Variants in SAMSN1 observed in about 807,000 individuals in gnomAD.
SAMSN1 encodes the protein SAM domain-containing protein SAMSN-1.
SAMSN1 carries 31 observed loss-of-function variants against 42.0 expected under a neutral mutation model. That is an observed-to-expected ratio of 0.74 (90% CI 0.55 to 1.00). The LOEUF is 1.00. Ranked by LOEUF, SAMSN1 falls within the 50% of genes least tolerant of loss-of-function variation. The pLI is 0.00. For missense variants in SAMSN1, 464 were observed against 439.4 expected (o/e 1.06, Z -0.50); for synonymous variants, 178 against 151.9 (o/e 1.17, Z -1.26).
chr21:14,608,886 A>C (rs1280415324), intron 5 of SAMSN1, among the ~76,000 whole-genome samples: 1 of 152,132 alleles, frequency 6.6e-6, no homozygotes, highest in Non-Finnish European at 1.5e-5. Context: ...TCAACTTTTG[A>C]TACGGTTTTT....
At chr21:14,567,871 A>G (rs945190945) in intron 2 of SAMSN1, among the ~76,000 whole-genome samples, 1 of 152,070 alleles carries the variant, frequency 6.6e-6, no homozygotes, top group South Asian at 2.1e-4. Flanking sequence ...GGATTGTTGT[A>G]CCTTCTGGAT....
At chr21:14,546,646 T>G (rs545319310), upstream of SAMSN1, among the ~76,000 whole-genome samples, 1 of 147,122 alleles carries the variant, frequency 6.8e-6, no homozygotes, top group African/African-American at 2.5e-5. Flanking sequence ...AAATAAAACT[T>G]GAGATGTTGG....
At chr21:14,646,986 C>G (rs980323269) in intron 1 of SAMSN1, among the ~76,000 whole-genome samples, 1 of 152,026 alleles carries the variant, frequency 6.6e-6, no homozygotes, top group Non-Finnish European at 1.5e-5. Flanking sequence ...TAGACAAAGA[C>G]AGGAAGGAGA....
At chr21:14,606,496 TCTC>T (rs1262049281) in intron 5 of SAMSN1, among the ~76,000 whole-genome samples, 1 of 152,144 alleles carries the variant, frequency 6.6e-6, no homozygotes, top group East Asian at 1.9e-4. Flanking sequence ...AGTTTGTTCT[TCTC>T]AATTCTTTTT....
chr21:14,592,473 G>C (rs536363552), intron 7 of SAMSN1: 18 of 168,548 alleles, frequency 1.1e-4, no homozygotes, highest in African/African-American at 3.6e-4. Flanking sequence ...AATCTGCTTT[G>C]TGACTGGCCA....
intron 5 of SAMSN1, among the ~76,000 whole-genome samples, chr21:14,502,870 A>C (rs1987231292): frequency 6.6e-6 from 1 of 152,200 alleles, no homozygotes; most frequent in Non-Finnish European, 1.5e-5. Flanking sequence ...TAAATGTTAA[A>C]TAATAATATA....
intron 7 of SAMSN1, among the ~76,000 whole-genome samples, chr21:14,590,034 A>G (rs1316192500): frequency 6.6e-6 from 1 of 152,148 alleles, no homozygotes. Flanking sequence ...AGTTTTCTCT[A>G]AGTTTTCCGG....
At chr21:14,598,433 G>A (rs1725920177) in intron 6 of SAMSN1, 1 of 152,178 alleles carries the variant, frequency 6.6e-6, no homozygotes, top group Non-Finnish European at 1.5e-5. Flanking sequence ...TAAATGCTGG[G>A]AGTCAAGTTT....
intron 2 of SAMSN1, among the ~76,000 whole-genome samples, chr21:14,622,784 TC>T (rs1427383970): frequency 6.6e-6 from 1 of 152,038 alleles, no homozygotes; most frequent in East Asian, 1.9e-4. Flanking sequence ...ACAAAGATAC[TC>T]CTTGAGAAGA....
chr21:14,527,147 G>A lies in SAMSN1; in HGVS notation c.58-5926C>T, dbSNP rs148961813. ...CTCTTTTAAATATTGCACAAAGAAC[G>A]TTGGTTAGTAATGTACTCAAAGATC... On this transcript the variant is annotated intron_variant, in intron 1 of 7. Transcript: ENST00000400566. 6.7e-3 allele frequency among the ~76,000 whole-genome samples: 1,021 copies of A among 152,258 alleles called. 8 individuals carry two copies. Among genetic ancestry groups the A allele is most frequent in the South Asian group, 0.012 (57 of 4,818 alleles).
intron 6 of SAMSN1, among the ~76,000 whole-genome samples, chr21:14,600,676 G>T (rs960863689): frequency 3.3e-5 from 5 of 152,136 alleles, no homozygotes; most frequent in Non-Finnish European, 7.4e-5. Flanking sequence ...CCTACAGAAG[G>T]ATTTCCTCTT....
rs183761688 is a variant in SAMSN1, at chr21:14,603,798, G to A, written c.323-1699C>T. ...GTTAATTAGATCAAGAAGGCAATGG[G>A]AATTCTACAGTGAGCTTAAAATCCA... On this transcript the variant is annotated intron_variant, in intron 5 of 15. Transcript: ENST00000647101. Among the ~76,000 whole-genome samples the A allele has an allele frequency of 5.9e-5, 9 of 152,298 alleles. 1 individual carries two copies. The East Asian group carries it at 1.7e-3, about 29-fold the overall frequency.
At position 14,577,265 on chromosome 21, in the gene SAMSN1, TATATATATATATA is replaced by T. The variant is rs1981523162; in HGVS notation, c.261+4858_261+4870del. 1.7e-4 allele frequency among the ~76,000 whole-genome samples: 9 copies of T among 52,904 alleles called. 1 individual carries two copies. The highest frequency in any genetic ancestry group is 3.2e-4 in the African/African-American group (3 of 9,232). The allele number at this position is 52,904 out of a possible 152,430, so 34.7% of individuals were successfully genotyped here. ...ATATATATATATATATATATATATA[TATATATATATATA>T]TATATATTTTTTTTTTAGAAGAGAC... On this transcript the variant is annotated intron_variant, in intron 2 of 8. Transcript: ENST00000285670.
At chr21:14,578,593 G>T (rs900234282) in intron 2 of SAMSN1, among the ~76,000 whole-genome samples, 2 of 145,886 alleles carry the variant, frequency 1.4e-5, no homozygotes, top group Admixed American at 7.2e-5. Context: ...TGAGGCAGGA[G>T]AATCATTTGA....
At chr21:14,598,784 A>G (rs1982346375) in intron 6 of SAMSN1, among the ~76,000 whole-genome samples, 1 of 152,184 alleles carries the variant, frequency 6.6e-6, no homozygotes, top group Non-Finnish European at 1.5e-5. Flanking sequence ...TATATTTCGT[A>G]AGCATGGTCA....
intron 5 of SAMSN1, among the ~76,000 whole-genome samples, chr21:14,500,945 G>A (rs996007008): frequency 8.5e-5 from 13 of 152,146 alleles, no homozygotes; most frequent in Non-Finnish European, 1.9e-4. Context: ...AGGCCAAGGC[G>A]GGAGGATTGC....
At chr21:14,634,219 A>T (rs1036646725) in intron 2 of SAMSN1, among the ~76,000 whole-genome samples, 1 of 151,996 alleles carries the variant, frequency 6.6e-6, no homozygotes, top group South Asian at 2.1e-4. Flanking sequence ...ACCCTAGAAG[A>T]AAACGTAGGC....
intron 6 of SAMSN1, chr21:14,594,171 G>GACA: frequency 3.3e-6 from 2 of 604,606 alleles, no homozygotes; most frequent in Non-Finnish European, 6.0e-6. Flanking sequence ...AAACTAATTG[G>GACA]GAAAGGATTC....
At chr21:14,544,565 A>G (rs1259304368) in intron 1 of SAMSN1, among the ~76,000 whole-genome samples, 1 of 152,222 alleles carries the variant, frequency 6.6e-6, no homozygotes, top group African/African-American at 2.4e-5. Context: ...CCATCTGTCT[A>G]ATGAAAATAA....
Sources: allele counts gnomAD v4.1 joint callset (sites outside exome capture counted in the v4.1 genomes callset), GRCh38; gene constraint gnomAD v4.1.1; transcripts MANE v1.5; gene names NCBI Gene and HGNC (gene_info 2026-07-23, HGNC 2026-07-21).